COPZ2: variants seen among roughly 807,000 people sequenced by gnomAD.
COPZ2 encodes the protein coatomer subunit zeta-2.
In COPZ2, 30 loss-of-function variants were observed where a neutral mutation model predicts 33.2. That is an observed-to-expected ratio of 0.90 (90% CI 0.68 to 1.23). The LOEUF (loss-of-function observed/expected upper bound fraction) is 1.23, where lower values mean the gene tolerates loss of function less well. COPZ2 is among the 50% of genes most tolerant of loss of function. The pLI, the probability that COPZ2 is intolerant of heterozygous loss-of-function variation, is 0.00. For synonymous variants in COPZ2, 89 were observed against 102.6 expected, an observed-to-expected ratio of 0.87 and a Z score of 0.80; for missense variants, 263 against 262.4, an observed-to-expected ratio of 1.00 and a Z score of -0.02.
rs2036813812 is a variant in COPZ2, at chr17:48,026,167, T to C, written c.*261A>G. 6.0e-6 allele frequency: 3 copies of C among 501,210 alleles called. No homozygotes were observed. Among genetic ancestry groups the C allele is most frequent in the Non-Finnish European group, 1.1e-5 (3 of 284,254 alleles). The allele number at this position is 501,210 out of a possible 1,614,324, so 31.0% of individuals were successfully genotyped here. On this transcript the variant is annotated 3_prime_UTR_variant, in exon 9 of 9. Transcript: ENST00000621465. ...CCTAGGCCAAGAGAGAAGGAGACCC[T>C]TGGCAGAAGACAAAAGCAGGTTTAT...
chr17:48,046,622 G>A, the COPZ2 span: 1 of 152,148 alleles, frequency 6.6e-6, no homozygotes, highest in Non-Finnish European at 1.5e-5. Context: ...AGAGTTGATG[G>A]CCACACCTAA....
upstream of COPZ2, among the ~76,000 whole-genome samples, chr17:48,041,882 T>A (rs574302547): frequency 2.4e-4 from 36 of 151,852 alleles, no homozygotes; most frequent in African/African-American, 8.0e-4. Context: ...TCAGCCTCTG[T>A]TTGGCTATGG....
chr17:48,028,503 T>C lies in COPZ2; in HGVS notation c.554A>G (p.Asp185Gly). Residue 185 changes from aspartate to glycine, a missense_variant, in exon 8 of 9, where the codon GAT becomes GGT. Physicochemically the swap from Asp to Gly is moderately conservative, Grantham distance 94 (BLOSUM62 -1). Coordinates refer to ENST00000621465, the MANE Select transcript of COPZ2 (RefSeq NM_016429.4). This position sits in a 1 kb window ranked among gnomAD's most constrained non-coding sequence, Gnocchi z 4.5. ...CACACTCTGTTCAGTCAAGCCGCCA[T>C]CATCTGCCTGTAAGGAAGCAGAGTC... is the stretch of plus-strand genomic sequence containing the variant. Reference protein sequence around the residue: ...VIQKVNFRADDGGLTEQSVAQ... With the variant: ...VIQKVNFRADGGGLTEQSVAQ... 5.0e-6 allele frequency: 8 copies of C among 1,608,394 alleles called. No individual in the cohort carries two copies. The highest frequency in any genetic ancestry group is 6.8e-6 in the Non-Finnish European group (8 of 1,177,520).
At chr17:48,039,404 C>T (rs568714339), upstream of COPZ2, among the ~76,000 whole-genome samples, 56 of 148,310 alleles carry the variant, frequency 3.8e-4, 1 homozygote, top group Admixed American at 1.4e-3. Flanking sequence ...TCTGGGGGTT[C>T]AAGGCTGCAG....
intron 4 of COPZ2, 192 bp downstream of exon 4, chr17:48,033,019 A>G (rs1370449399): frequency 3.3e-6 from 2 of 598,540 alleles, no homozygotes; most frequent in Non-Finnish European, 6.0e-6. Flanking sequence ...CTGGTTCCCA[A>G]GGAAACTAAG....
At chr17:48,040,246 TA>T (rs1380055746), upstream of COPZ2, among the ~76,000 whole-genome samples, 2 of 151,704 alleles carry the variant, frequency 1.3e-5, no homozygotes, top group African/African-American at 2.4e-5. Flanking sequence ...TATTTATTAT[TA>T]TTTTTTTTAA....
rs1294053969 is a variant in COPZ2 at position 48,028,437 on chromosome 17, C to T, written c.585+35G>A. The stretch of plus-strand genomic sequence containing the variant: ...GCTCTGCTCCCCGTATCTCTCTAGA[C>T]CATTTCTAGCCAAGGCAGATGCAGG... On this transcript the variant is annotated intron_variant, in intron 8 of 8. Coordinates refer to ENST00000621465, the MANE Select transcript of COPZ2 (RefSeq NM_016429.4). The surrounding 1 kb of genome is among the most constrained non-coding windows in gnomAD (Gnocchi z 4.5). The T allele has an allele frequency of 6.2e-7, 1 of 1,600,888 alleles. No homozygotes were observed.
At chr17:48,045,835 G>A in the COPZ2 span, 1 of 152,108 alleles carries the variant, frequency 6.6e-6, no homozygotes, top group Non-Finnish European at 1.5e-5. Flanking sequence ...GCAAAGGGAG[G>A]GGGAGAGTGT....
At chr17:48,030,079 T>C (rs569631883) in intron 6 of COPZ2, among the ~76,000 whole-genome samples, 2 of 151,226 alleles carry the variant, frequency 1.3e-5, no homozygotes, top group Non-Finnish European at 2.9e-5. Context: ...AGGTGAAGAG[T>C]TCGAGACCAG....
Position 48,037,021 on chromosome 17 carries a change from C to A in COPZ2, c.112-96G>T. 1 of 1,065,044 alleles carries A rather than the reference C, an allele frequency of 9.4e-7. No homozygotes were observed. The highest frequency in any genetic ancestry group is 2.4e-5 in the East Asian group (1 of 41,636). The allele number at this position is 1,065,044 out of a possible 1,614,324, so 66.0% of individuals were successfully genotyped here. On this transcript the variant is annotated intron_variant, in intron 1 of 8. Transcript: ENST00000621465. The surrounding 1 kb of genome is among the most constrained non-coding windows in gnomAD (Gnocchi z 5.6). ...TGGCCCTAGGATACATCCTCAGGCC[C>A]CAGCAACCCCAGTCCTCAAGGTCCA... is the stretch of plus-strand genomic sequence containing the variant.
At position 48,028,534 on chromosome 17, in the gene COPZ2, G is replaced by T. The variant is rs1206772215; in HGVS notation, c.547-24C>A. The T allele has an allele frequency of 6.2e-7, 1 of 1,603,116 alleles. No individual in the cohort carries two copies. Among genetic ancestry groups the T allele is most frequent in the Admixed American group, 1.7e-5 (1 of 58,228 alleles). On this transcript the variant is annotated intron_variant, in intron 7 of 8. Coordinates refer to ENST00000621465, the MANE Select transcript of COPZ2 (RefSeq NM_016429.4). This position sits in a 1 kb window ranked among gnomAD's most constrained non-coding sequence, Gnocchi z 4.5. Reference sequence around the variant, plus strand: ...GCCTGTAAGGAAGCAGAGTCAAGGGGTGGGGTAGGGCCAGCATGAGGGTCC... The same window carrying T: ...GCCTGTAAGGAAGCAGAGTCAAGGGTTGGGGTAGGGCCAGCATGAGGGTCC...
intron 8 of COPZ2, among the ~76,000 whole-genome samples, chr17:48,026,838 C>G (rs143582194): frequency 6.6e-6 from 1 of 152,232 alleles, no homozygotes; most frequent in South Asian, 2.1e-4. Context: ...TGTGCTCAGA[C>G]GCCTCAGCAA....
At position 48,028,283 on chromosome 17, in the gene COPZ2, T is replaced by A. The variant is rs557770692; in HGVS notation, c.585+189A>T. Among the ~76,000 whole-genome samples, 1 of 152,226 alleles carries A rather than the reference T, an allele frequency of 6.6e-6. No individual in the cohort carries two copies. Among genetic ancestry groups the A allele is most frequent in the East Asian group, 1.9e-4 (1 of 5,178 alleles). ...TCCATTAGTACCCAGCTCCCCTGAGTTGGAGAGCCCGGAGGCCTCCAGTGA... is the reference window on the plus strand; with the variant it reads ...TCCATTAGTACCCAGCTCCCCTGAGATGGAGAGCCCGGAGGCCTCCAGTGA... On this transcript the variant is annotated intron_variant, in intron 8 of 8. Transcript: ENST00000621465. This position sits in a 1 kb window ranked among gnomAD's most constrained non-coding sequence, Gnocchi z 4.5.
At chr17:48,036,254 A>G (rs2036981131) in intron 2 of COPZ2, among the ~76,000 whole-genome samples, 1 of 152,210 alleles carries the variant, frequency 6.6e-6, no homozygotes, top group Non-Finnish European at 1.5e-5. Flanking sequence ...TGCCTGTGAA[A>G]CCTGTGAAAT....
In COPZ2 at chr17:48,028,478, C is replaced by T. The variant is rs904664144; in HGVS notation, c.579G>A (p.Val193=). ...CAGATGCAGGGGGGCCTACCTGGGC[C>T]ACACTCTGTTCAGTCAAGCCGCCAT... is the stretch of plus-strand genomic sequence containing the variant. The part of the protein sequence containing the change: ...ADDGGLTEQS[V]AQVLQSAKEQ... The change falls in exon 8 of 9, where the codon GTG becomes GTA. Residue 193 remains valine (V), a synonymous_variant. Coordinates refer to ENST00000621465, the MANE Select transcript of COPZ2 (RefSeq NM_016429.4). The surrounding 1 kb of genome is among the most constrained non-coding windows in gnomAD (Gnocchi z 4.5). 5 of 1,609,550 alleles carry T rather than the reference C, an allele frequency of 3.1e-6. No individual in the cohort carries two copies. The African/African-American group carries it at 5.3e-5, about 17-fold the overall frequency.
chr17:48,040,795 C>A (rs191197163), upstream of COPZ2, among the ~76,000 whole-genome samples: 307 of 151,952 alleles, frequency 2.0e-3, no homozygotes, highest in African/African-American at 7.1e-3. Context: ...TGAGGGAGAT[C>A]ATGTATAAAT....
At chr17:48,046,336 C>G in the COPZ2 span, 42,618 of 152,118 alleles carry the variant, frequency 0.28, 6,469 homozygotes, top group African/African-American at 0.34. Flanking sequence ...GTTGAGGAAG[C>G]ATCTCACTGT....
chr17:48,040,157 C>G (rs1354666840), upstream of COPZ2, among the ~76,000 whole-genome samples: 4 of 127,432 alleles, frequency 3.1e-5, no homozygotes, highest in Non-Finnish European at 6.3e-5. Context: ...CACACACAAA[C>G]AACTCCCAGG....
chr17:48,032,392 T>C (rs915374533), intron 5 of COPZ2, among the ~76,000 whole-genome samples, 159 bp from the exon 6 acceptor site: 1 of 152,172 alleles, frequency 6.6e-6, no homozygotes, highest in African/African-American at 2.4e-5. Flanking sequence ...ACAGAGCCCA[T>C]GCAAGGCATT....
Sources: allele counts gnomAD v4.1 joint callset (sites outside exome capture counted in the v4.1 genomes callset), GRCh38; gene constraint gnomAD v4.1.1; non-coding constraint Gnocchi (gnomAD v3.1); transcripts MANE v1.5; gene names NCBI Gene and HGNC (gene_info 2026-07-23, HGNC 2026-07-21).